The following GMDS variants were observed in gnomAD, a reference collection of about 807,000 sequenced individuals.
GMDS encodes GDP-mannose 4,6 dehydratase.
Under a neutral mutation model 49.9 loss-of-function variants are expected in GMDS, and 20 were observed. The ratio of observed to expected loss-of-function variants is 0.40; its 90% CI spans 0.28 to 0.58. The LOEUF (loss-of-function observed/expected upper bound fraction) is 0.58. Among genes scored for constraint, GMDS ranks in the 20% least tolerant of loss-of-function variants. The pLI, the probability that GMDS is intolerant of heterozygous loss-of-function variation, is 0.42. For missense variants in GMDS, 362 were observed against 481.4 expected (o/e 0.75, Z 2.32); for synonymous variants, 177 against 178.6 (o/e 0.99, Z 0.07).
intron 7 of GMDS, among the ~76,000 whole-genome samples, chr6:1,775,484 A>G (rs1313376141): frequency 6.6e-6 from 1 of 152,212 alleles, no homozygotes; most frequent in African/African-American, 2.4e-5. Flanking sequence ...ACAAGTATAC[A>G]AATCAAAGAT....
intron 7 of GMDS, among the ~76,000 whole-genome samples, chr6:1,821,611 GTTTTTTTTT>G (rs3039703): frequency 0.059 from 6,456 of 109,974 alleles, 186 homozygotes; most frequent in African/African-American, 0.092. Context: ...CAATTTATTT[GTTTTTTTTT>G]TTTTTTTTTT....
At chr6:1,687,206 C>A (rs1212313583) in intron 9 of GMDS, among the ~76,000 whole-genome samples, 1 of 152,172 alleles carries the variant, frequency 6.6e-6, no homozygotes, top group Non-Finnish European at 1.5e-5. Flanking sequence ...ACTCCCATAA[C>A]AGAAACGAAA....
intron 9 of GMDS, among the ~76,000 whole-genome samples, chr6:1,713,439 G>A (rs1362352597): frequency 6.6e-6 from 1 of 152,206 alleles, no homozygotes; most frequent in African/African-American, 2.4e-5. Flanking sequence ...TTTGCTCTGC[G>A]TCTCCGCCCC....
At chr6:2,066,222 G>C (rs1229327760) in intron 4 of GMDS, among the ~76,000 whole-genome samples, 1 of 149,494 alleles carries the variant, frequency 6.7e-6, no homozygotes, top group Non-Finnish European at 1.5e-5. Flanking sequence ...CAAATGCTGA[G>C]ATTTTGTCAC....
intron 9 of GMDS, among the ~76,000 whole-genome samples, chr6:1,675,490 G>T (rs979209037): frequency 2.0e-5 from 3 of 152,078 alleles, no homozygotes; most frequent in African/African-American, 7.2e-5. Context: ...AATCATGGTG[G>T]TGGAAGAAGG....
chr6:2,127,634 T>C (rs1388109688), intron 1 of GMDS, among the ~76,000 whole-genome samples: 1 of 152,002 alleles, frequency 6.6e-6, no homozygotes, highest in Non-Finnish European at 1.5e-5. Context: ...GCCTCTCGAG[T>C]GATAGGGCCT....
Position 2,134,402 on chromosome 6 carries a change from C to T in GMDS, c.103-9671G>A, listed in dbSNP as rs2127521338. ...AAGATTCCACTGAAAAAGACCAGAG[C>T]TTTGTAAGGGTAGTGGAGTTCTCTA... On this transcript the variant is annotated intron_variant, in intron 1 of 10. Transcript: ENST00000380815. 2.6e-5 allele frequency among the ~76,000 whole-genome samples: 4 copies of T among 152,312 alleles called. No individual in the cohort carries two copies. The Middle Eastern group carries it at 0.01, about 389-fold the overall frequency.
intron 9 of GMDS, chr6:1,624,745 G>T: frequency 1.8e-6 from 1 of 549,832 alleles, no homozygotes. Context: ...GTGCTGTGCG[G>T]ACCCGTGAGG....
intron 1 of GMDS, among the ~76,000 whole-genome samples, chr6:2,198,729 C>T (rs1451543053): frequency 6.6e-6 from 1 of 152,230 alleles, no homozygotes; most frequent in Non-Finnish European, 1.5e-5. Flanking sequence ...TTCTATACCA[C>T]ATCAGACTTC....
chr6:1,749,939 C>T (rs897808093), intron 7 of GMDS, among the ~76,000 whole-genome samples: 1 of 152,144 alleles, frequency 6.6e-6, no homozygotes, highest in African/African-American at 2.4e-5. Context: ...TCAAGTGATC[C>T]TCCAGCTTCA....
At position 1,913,223 on chromosome 6, in the gene GMDS, T is replaced by C. The variant is rs533711679; in HGVS notation, c.771+16880A>G. Among the ~76,000 whole-genome samples, 488 of 150,718 alleles carry C rather than the reference T, an allele frequency of 3.2e-3. 1 individual carries two copies. The highest frequency in any genetic ancestry group is 0.01 in the Middle Eastern group (3 of 294). On this transcript the variant is annotated intron_variant, in intron 7 of 10. Coordinates refer to ENST00000380815, the MANE Select transcript of GMDS (RefSeq NM_001500.4). The stretch of plus-strand genomic sequence containing the variant: ...GGTGAAACCCCGTCTCTACTAAAAA[T>C]ACAAAAAATTAGCCGGGCGTAGTGG...
chr6:1,677,412 G>C (rs1046588864), intron 9 of GMDS, among the ~76,000 whole-genome samples: 2 of 152,136 alleles, frequency 1.3e-5, no homozygotes, highest in Admixed American at 6.5e-5. Context: ...TCTAGAACTA[G>C]AAATACCATT....
At chr6:1,660,086 C>G (rs1274510154) in intron 9 of GMDS, among the ~76,000 whole-genome samples, 3 of 151,910 alleles carry the variant, frequency 2.0e-5, no homozygotes, top group African/African-American at 7.3e-5. Context: ...ACAGGAGGTG[C>G]CTAAGTGGCA....
intron 9 of GMDS, among the ~76,000 whole-genome samples, chr6:1,711,271 A>T (rs905985727): frequency 1.3e-5 from 2 of 152,204 alleles, no homozygotes; most frequent in East Asian, 3.9e-4. Flanking sequence ...CTGCCTCAGG[A>T]TCCCTGCAGA....
At chr6:2,149,124 G>C (rs1337948824) in intron 1 of GMDS, among the ~76,000 whole-genome samples, 3 of 151,918 alleles carry the variant, frequency 2.0e-5, no homozygotes, top group Admixed American at 2.0e-4. Context: ...CATTTCTTCT[G>C]CTTGCTCAAA....
chr6:1,692,152 C>T (rs4352721), intron 9 of GMDS, among the ~76,000 whole-genome samples: 15,654 of 152,266 alleles, frequency 0.1, 1,316 homozygotes, highest in East Asian at 0.22. Context: ...AGTTCTTCAG[C>T]TTTTGAACTC....
rs1387378857 is a variant in GMDS at position 1,750,889 on chromosome 6, A to AG, written c.772-8304dup. Reference sequence around the variant, plus strand: ...TGGGATGCCAGCGCTTGGTGGGGGAAGGGGGGTCGCCATTACTGAGGCTTG... The same window carrying AG: ...TGGGATGCCAGCGCTTGGTGGGGGAAGGGGGGGTCGCCATTACTGAGGCTTG... On this transcript the variant is annotated intron_variant, in intron 7 of 10. Coordinates refer to ENST00000380815, the MANE Select transcript of GMDS (RefSeq NM_001500.4). Among the ~76,000 whole-genome samples the AG allele has an allele frequency of 3.9e-5, 6 of 152,124 alleles. No homozygotes were observed. In the East Asian group the frequency reaches 7.7e-4, roughly 20 times the overall value.
intron 4 of GMDS, among the ~76,000 whole-genome samples, chr6:2,031,587 T>C (rs2127417187): frequency 6.6e-6 from 1 of 151,042 alleles, no homozygotes; most frequent in South Asian, 2.1e-4. Flanking sequence ...TCACTGAAAA[T>C]GTGATATTTG....
intron 4 of GMDS, among the ~76,000 whole-genome samples, chr6:2,025,357 GGTGT>G (rs200096039): frequency 0.076 from 10,399 of 136,470 alleles, 427 homozygotes; most frequent in African/African-American, 0.099. Flanking sequence ...CTGATGGTGG[GGTGT>G]GTGTGTGTGT....
Sources: allele counts gnomAD v4.1 joint callset (sites outside exome capture counted in the v4.1 genomes callset), GRCh38; gene constraint gnomAD v4.1.1; transcripts MANE v1.5; gene names NCBI Gene and HGNC (gene_info 2026-07-23, HGNC 2026-07-21).